The following RANBP2 variants were observed in gnomAD, a reference collection of about 807,000 sequenced individuals.
The protein encoded by RANBP2 is E3 SUMO-protein ligase RanBP2.
RANBP2 carries 57 observed loss-of-function variants against 303.6 expected under a neutral mutation model. The ratio of observed to expected loss-of-function variants is 0.19; its 90% CI spans 0.15 to 0.23. RANBP2 has a LOEUF of 0.23. Ranked by LOEUF, RANBP2 falls within the 10% of genes least tolerant of loss-of-function variation. The pLI is 1.00. For synonymous variants in RANBP2, 1,167 were observed against 1,301.5 expected, an observed-to-expected ratio of 0.90 and a Z score of 2.23; for missense variants, 3,138 against 3,780.8, an observed-to-expected ratio of 0.83 and a Z score of 4.46.
chr2:109,699,087 T>C, the RANBP2 span, among the ~76,000 whole-genome samples: 1 of 152,172 alleles, frequency 6.6e-6, no homozygotes, highest in Admixed American at 6.5e-5. Context: ...GAGGACTCTG[T>C]CCCAGGTTGT....
At chr2:109,103,922 T>G in the RANBP2 span, among the ~76,000 whole-genome samples, 41 of 152,048 alleles carry the variant, frequency 2.7e-4, no homozygotes, top group Non-Finnish European at 5.3e-4. Flanking sequence ...GCCTCCAAAG[T>G]AGCTGGGACT....
the RANBP2 span, among the ~76,000 whole-genome samples, chr2:109,715,659 T>C: frequency 6.6e-6 from 1 of 152,118 alleles, no homozygotes; most frequent in Non-Finnish European, 1.5e-5. Flanking sequence ...TACCCAGGCA[T>C]GATTGATTAG....
chr2:108,722,991 T>C (rs576216796), intron 1 of RANBP2, among the ~76,000 whole-genome samples: 12 of 152,254 alleles, frequency 7.9e-5, no homozygotes, highest in Non-Finnish European at 1.6e-4. Flanking sequence ...AGTTGATTTC[T>C]TATTCTGCAG....
At chr2:108,743,514 A>G (rs1169825254) in intron 7 of RANBP2, among the ~76,000 whole-genome samples, 1 of 151,922 alleles carries the variant, frequency 6.6e-6, no homozygotes. Flanking sequence ...CCTGGCTTCA[A>G]GTGATCCTTC....
At chr2:108,749,835 C>T (rs1675714831) in intron 9 of RANBP2, among the ~76,000 whole-genome samples, 1 of 152,132 alleles carries the variant, frequency 6.6e-6, no homozygotes, top group Non-Finnish European at 1.5e-5. Flanking sequence ...CTCAAGTGAT[C>T]CTCCTACCTA....
At chr2:109,432,597 C>T in the RANBP2 span, 1 of 1,613,406 alleles carries the variant, frequency 6.2e-7, no homozygotes. Context: ...GTCAGGATGG[C>T]TGGTTCAAGG....
the RANBP2 span, among the ~76,000 whole-genome samples, chr2:109,653,121 G>A: frequency 6.6e-6 from 1 of 152,260 alleles, no homozygotes; most frequent in Non-Finnish European, 1.5e-5. Flanking sequence ...CTGTGGCTGG[G>A]CGTTGTGGCT....
chr2:109,348,959 AGTT>A, the RANBP2 span, among the ~76,000 whole-genome samples: 67 of 152,032 alleles, frequency 4.4e-4, no homozygotes, highest in Non-Finnish European at 5.4e-4. Context: ...GATGCCCAGA[AGTT>A]GTTGTTTTCT....
chr2:109,581,416 G>A, the RANBP2 span, among the ~76,000 whole-genome samples: 3 of 150,168 alleles, frequency 2.0e-5, no homozygotes, highest in South Asian at 2.1e-4. Flanking sequence ...CTGCCTAGGC[G>A]ACAGAGTGAG....
At chr2:109,461,789 C>A in the RANBP2 span, among the ~76,000 whole-genome samples, 2 of 152,254 alleles carry the variant, frequency 1.3e-5, no homozygotes, top group Non-Finnish European at 2.9e-5. Flanking sequence ...GCATCTTTCA[C>A]AGCAGCCTGG....
At chr2:108,897,359 A>G in the RANBP2 span, 7 of 904,668 alleles carry the variant, frequency 7.7e-6, no homozygotes, top group South Asian at 9.5e-5. Context: ...ACATGCAGAA[A>G]GCCACCTAAA....
chr2:108,729,055 C>T, intron 1 of RANBP2, 77 bp from the exon 2 acceptor site: 1 of 1,479,074 alleles, frequency 6.8e-7, no homozygotes. Flanking sequence ...CAACTTAGGA[C>T]AGATTTTTAC....
chr2:109,621,146 T>C, the RANBP2 span, among the ~76,000 whole-genome samples: 1 of 152,016 alleles, frequency 6.6e-6, no homozygotes, highest in Non-Finnish European at 1.5e-5. Context: ...TATAAGTTGT[T>C]GGTTTGTTGT....
At chr2:109,713,864 C>A in the RANBP2 span, among the ~76,000 whole-genome samples, 2 of 152,224 alleles carry the variant, frequency 1.3e-5, no homozygotes, top group East Asian at 3.9e-4. Context: ...CTCTTACACT[C>A]AACACAATAC....
chr2:109,374,565 G>A, the RANBP2 span, among the ~76,000 whole-genome samples: 2 of 152,188 alleles, frequency 1.3e-5, no homozygotes, highest in African/African-American at 4.8e-5. Flanking sequence ...CCACCTGCCA[G>A]GAGGGAGCCT....
chr2:109,561,338 A>AC, the RANBP2 span, among the ~76,000 whole-genome samples: 786 of 151,030 alleles, frequency 5.2e-3, 5 homozygotes, highest in African/African-American at 0.018. Flanking sequence ...TAAATTTGGA[A>AC]CCCCCCCACC....
the RANBP2 span, among the ~76,000 whole-genome samples, chr2:109,483,413 G>A: frequency 2.5e-3 from 387 of 152,278 alleles, 3 homozygotes; most frequent in African/African-American, 9.0e-3. Context: ...CCACTGGAGC[G>A]TATGCTCTCG....
chr2:108,733,160 C>G (rs183009218), intron 4 of RANBP2, among the ~76,000 whole-genome samples: 18 of 151,956 alleles, frequency 1.2e-4, no homozygotes, highest in East Asian at 3.9e-4. Context: ...TCTTCAGTCA[C>G]CATAATACCA....
the RANBP2 span, among the ~76,000 whole-genome samples, chr2:109,371,281 TTG>T: frequency 6.6e-6 from 1 of 152,226 alleles, no homozygotes. Context: ...TCCCAGCTAC[TTG>T]GAAGGCTGAG....
Sources: allele counts gnomAD v4.1 joint callset (sites outside exome capture counted in the v4.1 genomes callset), GRCh38; gene constraint gnomAD v4.1.1; transcripts MANE v1.5; gene names NCBI Gene and HGNC (gene_info 2026-07-23, HGNC 2026-07-21).